Variants in RIMS2 observed in about 807,000 individuals in gnomAD.
RIMS2 encodes the protein regulating synaptic membrane exocytosis protein 2.
In RIMS2, 59 loss-of-function variants were observed where a neutral mutation model predicts 174.4. The observed-to-expected ratio is 0.34, with a 90% CI of 0.27 to 0.42. The LOEUF is 0.42. Ranked by LOEUF, RIMS2 falls within the 10% of genes least tolerant of loss-of-function variation. RIMS2 has a pLI of 1.00. For synonymous variants in RIMS2, 606 were observed against 572.5 expected, an observed-to-expected ratio of 1.06 and a Z score of -0.84; for missense variants, 1,620 against 1,666.3, an observed-to-expected ratio of 0.97 and a Z score of 0.48.
At chr8:104,248,863 A>C (rs1563994843) in intron 21 of RIMS2, 50 bp downstream of exon 27, 2 of 949,168 alleles carry the variant, frequency 2.1e-6, no homozygotes, top group Non-Finnish European at 3.4e-6. Context: ...GATTGTTGAA[A>C]ATGAAATTCT....
intron 3 of RIMS2, among the ~76,000 whole-genome samples, chr8:103,843,311 A>G (rs1043633240): frequency 6.6e-6 from 1 of 152,140 alleles, no homozygotes; most frequent in African/African-American, 2.4e-5. Flanking sequence ...GGGTGTTGCT[A>G]TCTTGCCCTT....
intron 19 of RIMS2, among the ~76,000 whole-genome samples, chr8:104,200,445 A>G (rs571449029): frequency 6.6e-6 from 1 of 152,184 alleles, no homozygotes; most frequent in Non-Finnish European, 1.5e-5. Flanking sequence ...AAAAGGGAGA[A>G]ACTGGAGGCA....
chr8:103,558,297 C>T (rs1315009197), intron 1 of RIMS2, among the ~76,000 whole-genome samples: 1 of 152,164 alleles, frequency 6.6e-6, no homozygotes, highest in Non-Finnish European at 1.5e-5. Context: ...TCTCGGCTCA[C>T]TGCAACCTCT....
intron 2 of RIMS2, among the ~76,000 whole-genome samples, chr8:103,752,492 T>G (rs576370107): frequency 1.2e-4 from 19 of 152,262 alleles, no homozygotes; most frequent in East Asian, 1.9e-4. Context: ...GTGAAGAAAG[T>G]CATTGGTAGC....
chr8:103,870,955 C>G lies in RIMS2; in HGVS notation c.699-14343C>G, dbSNP rs137876865. On this transcript the variant is annotated intron_variant, in intron 3 of 23. Transcript: ENST00000504942. ...CAGAATGCTTGTCATGTTTTATAAGCCTTTTTCAATTTTTATCCAACTTTC... is the reference window on the plus strand; with the variant it reads ...CAGAATGCTTGTCATGTTTTATAAGGCTTTTTCAATTTTTATCCAACTTTC... Among the ~76,000 whole-genome samples, 662 of 152,274 alleles carry G rather than the reference C, an allele frequency of 4.3e-3. 8 individuals are homozygous for G. Among genetic ancestry groups the G allele is most frequent in the African/African-American group, 0.014 (569 of 41,572 alleles).
chr8:103,670,190 C>G (rs2136323602), intron 1 of RIMS2, among the ~76,000 whole-genome samples: 1 of 152,366 alleles, frequency 6.6e-6, no homozygotes, highest in East Asian at 1.9e-4. Context: ...CAAGCTGTAC[C>G]TTGGCCCTTT....
At chr8:104,178,570 A>G (rs575430404) in intron 19 of RIMS2, among the ~76,000 whole-genome samples, 3 of 152,248 alleles carry the variant, frequency 2.0e-5, no homozygotes, top group African/African-American at 7.2e-5. Flanking sequence ...ACCATTACCT[A>G]GTCTAGTGTT....
chr8:103,812,792 C>T (rs73293811), intron 3 of RIMS2, among the ~76,000 whole-genome samples: 43 of 152,130 alleles, frequency 2.8e-4, no homozygotes, highest in Middle Eastern at 3.4e-3. Flanking sequence ...TTCTATGATC[C>T]GTGCCTCAGG....
intron 19 of RIMS2, among the ~76,000 whole-genome samples, chr8:104,229,309 C>T (rs762444561): frequency 1.1e-4 from 16 of 152,008 alleles, no homozygotes; most frequent in South Asian, 2.1e-4. Flanking sequence ...TATATTTGTT[C>T]TCTTTCATAT....
chr8:104,097,050 A>G (rs2130706258), intron 19 of RIMS2, among the ~76,000 whole-genome samples: 1 of 152,284 alleles, frequency 6.6e-6, no homozygotes, highest in East Asian at 1.9e-4. Context: ...AAACACAATC[A>G]CAGATTGTTT....
At chr8:103,536,534 A>G (rs1378842673) in intron 1 of RIMS2, among the ~76,000 whole-genome samples, 2 of 152,318 alleles carry the variant, frequency 1.3e-5, no homozygotes, top group Middle Eastern at 3.4e-3. Context: ...CAGGCTGTAC[A>G]GGAAGCATGA....
intron 19 of RIMS2, among the ~76,000 whole-genome samples, chr8:104,124,551 A>G (rs1478095906): frequency 6.6e-6 from 1 of 152,170 alleles, no homozygotes; most frequent in Non-Finnish European, 1.5e-5. Context: ...CCCTCATGCC[A>G]AAAGTATCTT....
chr8:104,245,293 T>C (rs2099324980), intron 20 of RIMS2, among the ~76,000 whole-genome samples: 1 of 152,252 alleles, frequency 6.6e-6, no homozygotes, highest in African/African-American at 2.4e-5. Flanking sequence ...GGCAAGTTGC[T>C]AAAGTGTGAC....
chr8:103,559,617 T>A (rs983381675), intron 1 of RIMS2, among the ~76,000 whole-genome samples: 2 of 152,194 alleles, frequency 1.3e-5, no homozygotes, highest in African/African-American at 4.8e-5. Context: ...TCATGGTGGA[T>A]CCAGAATTCA....
chr8:104,039,388 A>G lies in RIMS2; in HGVS notation c.3334+24773A>G, dbSNP rs74565350. Among the ~76,000 whole-genome samples the G allele has an allele frequency of 2.2e-4, 33 of 151,824 alleles. 2 individuals are homozygous for G. The East Asian group carries it at 6.4e-3, about 29-fold the overall frequency. The stretch of plus-strand genomic sequence containing the variant: ...CACTGGAACTATGTGTGCCTCTGCT[A>G]TTCACTAAAATTAATTCATGAGTGA... On this transcript the variant is annotated intron_variant, in intron 19 of 23. Transcript: ENST00000504942.
chr8:103,860,233 C>G (rs151116310), intron 3 of RIMS2, among the ~76,000 whole-genome samples: 1 of 152,050 alleles, frequency 6.6e-6, no homozygotes, highest in Non-Finnish European at 1.5e-5. Flanking sequence ...AAGGGAATGG[C>G]GTGTTTTGAG....
At chr8:103,614,307 C>T (rs1335220441) in intron 1 of RIMS2, among the ~76,000 whole-genome samples, 1 of 152,274 alleles carries the variant, frequency 6.6e-6, no homozygotes, top group Non-Finnish European at 1.5e-5. Flanking sequence ...TTGCTCTCCA[C>T]TATGATGGGG....
intron 1 of RIMS2, among the ~76,000 whole-genome samples, chr8:103,631,201 A>G (rs1484480837): frequency 6.6e-6 from 1 of 152,118 alleles, no homozygotes; most frequent in Admixed American, 6.5e-5. Flanking sequence ...GCCTGTTCCT[A>G]TGTCCAGGAT....
At chr8:104,026,446 C>G (rs904795408) in intron 19 of RIMS2, among the ~76,000 whole-genome samples, 1 of 152,018 alleles carries the variant, frequency 6.6e-6, no homozygotes, top group African/African-American at 2.4e-5. Context: ...TACAACCTTC[C>G]TAATTGGCTG....
Sources: gnomAD v4.1 joint callset for allele counts (sites outside exome capture counted in the v4.1 genomes callset) on GRCh38, gnomAD v4.1.1 for gene constraint, MANE v1.5 for transcripts, NCBI Gene and HGNC (gene_info 2026-07-23, HGNC 2026-07-21) for gene names.